DDX60L: variants seen among roughly 807,000 people sequenced by gnomAD.
DDX60L encodes DExD/H-box 60 like.
In DDX60L, 191 loss-of-function variants were observed where a neutral mutation model predicts 211.6. That is an observed-to-expected ratio of 0.90 (90% CI 0.80 to 1.02). The LOEUF (loss-of-function observed/expected upper bound fraction) is 1.02, where lower values mean the gene tolerates loss of function less well. DDX60L is among the 50% of genes least tolerant of loss of function. DDX60L has a pLI of 0.00. For missense variants in DDX60L, 2,007 were observed against 1,984.1 expected, an observed-to-expected ratio of 1.01 and a Z score of -0.22; for synonymous variants, 706 against 694.1, an observed-to-expected ratio of 1.02 and a Z score of -0.27.
At chr4:168,392,909 C>A (rs185075823) in intron 28 of DDX60L, among the ~76,000 whole-genome samples, 84 of 150,732 alleles carry the variant, frequency 5.6e-4, no homozygotes, top group African/African-American at 2.0e-3. Flanking sequence ...ACTTTTATAA[C>A]AATATGGCTA....
chr4:168,472,839 T>C, intron 1 of DDX60L, 30 bp from the exon 2 acceptor site: 1 of 882,266 alleles, frequency 1.1e-6, no homozygotes, highest in Non-Finnish European at 1.8e-6. Context: ...AGAACTGCAG[T>C]TATTCCTAAA....
At position 168,461,758 on chromosome 4, in the gene DDX60L, G is replaced by C. The variant is rs748648674; in HGVS notation, c.547C>G (p.Leu183Val). ...TCCATAGTATATGCATAAAATCTGAGAGTATCAGATTCATGCCCTGATGAA... is the reference window on the plus strand; with the variant it reads ...TCCATAGTATATGCATAAAATCTGACAGTATCAGATTCATGCCCTGATGAA... ...VLSSGHESDTLRFYAYTMEST... is the reference protein window; with the variant it reads ...VLSSGHESDTVRFYAYTMEST... The change falls in exon 5 of 38, where the codon CTC becomes GTC. Residue 183 changes from leucine to valine, a missense_variant. By Grantham distance (32) the Leu-to-Val change is conservative (BLOSUM62 1). Transcript: ENST00000682922. 6.2e-7 allele frequency: 1 copy of C among 1,602,292 alleles called. No individual in the cohort carries two copies. The highest frequency in any genetic ancestry group is 8.5e-7 in the Non-Finnish European group (1 of 1,172,986).
At chr4:168,365,667 T>C (rs899844432) in intron 36 of DDX60L, among the ~76,000 whole-genome samples, 8 of 152,078 alleles carry the variant, frequency 5.3e-5, no homozygotes, top group Non-Finnish European at 8.8e-5. Context: ...TTCCAAATTT[T>C]TTTTACAAGA....
chr4:168,415,166 T>C (rs1749326564), intron 22 of DDX60L, among the ~76,000 whole-genome samples: 1 of 151,986 alleles, frequency 6.6e-6, no homozygotes, highest in East Asian at 1.9e-4. Context: ...GTGGTTATTA[T>C]GCATTGCATG....
At chr4:168,387,681 A>G (rs1744138579) in intron 29 of DDX60L, among the ~76,000 whole-genome samples, 1 of 152,232 alleles carries the variant, frequency 6.6e-6, no homozygotes, top group African/African-American at 2.4e-5. Context: ...AAATCTGAGG[A>G]CACCACTGCA....
intron 24 of DDX60L, among the ~76,000 whole-genome samples, chr4:168,405,175 ATT>A (rs1417513372): frequency 6.6e-6 from 1 of 151,950 alleles, no homozygotes. Context: ...CATCTGGCTA[ATT>A]TTTGTATTTT....
At chr4:168,400,733 T>A in intron 26 of DDX60L, 93 bp downstream of exon 26, 1 of 1,139,958 alleles carries the variant, frequency 8.8e-7, no homozygotes, top group Non-Finnish European at 1.2e-6. Flanking sequence ...CAAGAACCTC[T>A]TTGTGGCTCA....
In DDX60L at chr4:168,453,751, C is replaced by T. The variant is rs573330582; in HGVS notation, c.838-469G>A. 4.6e-5 allele frequency among the ~76,000 whole-genome samples: 7 copies of T among 152,028 alleles called. No individual in the cohort carries two copies. The East Asian group carries it at 7.7e-4, about 17-fold the overall frequency. On this transcript the variant is annotated intron_variant, in intron 7 of 37. Transcript: ENST00000682922. ...GTGGCAGAGACTTCAGAACTATTTT[C>T]GAATATATAAAAGGTTGTCATATGG...
rs749160765 is a variant in DDX60L, at chr4:168,422,644, TTTC to T, written c.2121_2123del (p.Lys708del). ...GAGCTGGTCCAATGTCAATCGAATA[TTTC>T]TTCTTATTTTTGTCATCTCCTATCT... On this transcript the variant is annotated inframe_deletion, in exon 16 of 38. Transcript: ENST00000682922. The T allele has an allele frequency of 6.8e-6, 11 of 1,606,068 alleles. No homozygotes were observed. In the South Asian group the frequency reaches 7.8e-5, roughly 11 times the overall value.
rs1197080697 is a variant in DDX60L at position 168,443,050 on chromosome 4, A to G, written c.1139-1558T>C. On this transcript the variant is annotated intron_variant, in intron 9 of 37. Coordinates refer to ENST00000682922, the MANE Select transcript of DDX60L (RefSeq NM_001012967.3). The stretch of plus-strand genomic sequence containing the variant: ...GAGAATGACTTTGATGAGCTGAGAG[A>G]AGAAGGCTTCAGACGATCAAATTAC... Among the ~76,000 whole-genome samples, 3 of 152,214 alleles carry G rather than the reference A, an allele frequency of 2.0e-5. No homozygotes were observed. In the East Asian group the frequency reaches 5.8e-4, roughly 29 times the overall value.
At chr4:168,426,751 T>C (rs963480371) in intron 14 of DDX60L, among the ~76,000 whole-genome samples, 3 of 152,206 alleles carry the variant, frequency 2.0e-5, no homozygotes, top group African/African-American at 4.8e-5. Flanking sequence ...ATAGGCCCTG[T>C]TGCTGCTGCT....
chr4:168,471,533 A>G lies in DDX60L; in HGVS notation c.264+214T>C, dbSNP rs1285778873. 7.6e-6 allele frequency: 3 copies of G among 394,904 alleles called. No homozygotes were observed. The East Asian group carries it at 1.3e-4, about 17-fold the overall frequency. 24.5% of individuals were successfully genotyped at this position (394,904 alleles called of 1,614,324 possible). ...GCCTGATCTATATTGTGAATGTGGG[A>G]ACATAGAGTTGAGGGAAAAAAATTT... is the stretch of plus-strand genomic sequence containing the variant. On this transcript the variant is annotated intron_variant, in intron 4 of 37. Transcript: ENST00000682922.
In DDX60L at chr4:168,416,769, G is replaced by C; in HGVS notation, c.2639C>G (p.Ala880Gly). The change falls in exon 20 of 38, where the codon GCA becomes GGA. Residue 880 changes from alanine (A) to glycine (G), a missense_variant. By Grantham distance (60) the Ala-to-Gly change is moderately conservative. Transcript: ENST00000682922. Reference protein sequence around the residue: ...EVHYLGREVGAKFWELLLVII... With the variant: ...EVHYLGREVGGKFWELLLVII... ...GACAAGGAGGAGCTCCCAAAATTTT[G>C]CTCCAACTTCTCTGCCAAGATAATG... is the stretch of plus-strand genomic sequence containing the variant. 6.3e-7 allele frequency: 1 copy of C among 1,597,150 alleles called. No homozygotes were observed. Among genetic ancestry groups the C allele is most frequent in the South Asian group, 1.1e-5 (1 of 88,006 alleles).
intron 14 of DDX60L, among the ~76,000 whole-genome samples, chr4:168,426,100 G>A (rs748411693): frequency 5.9e-5 from 9 of 152,122 alleles, no homozygotes; most frequent in Non-Finnish European, 8.8e-5. Flanking sequence ...GTTGTGTACC[G>A]TTACCTAGGA....
intron 29 of DDX60L, chr4:168,390,335 C>A (rs1220467800): frequency 6.0e-6 from 7 of 1,161,658 alleles, no homozygotes; most frequent in Non-Finnish European, 7.4e-6. Flanking sequence ...CTGAAAAATT[C>A]CAGCTCAGGG....
chr4:168,449,816 A>T (rs950041245), intron 8 of DDX60L, among the ~76,000 whole-genome samples: 1 of 144,974 alleles, frequency 6.9e-6, no homozygotes. Flanking sequence ...AAAAAAAAAA[A>T]AAAAAAAGAG....
chr4:168,434,188 T>A (rs531844609), intron 10 of DDX60L, among the ~76,000 whole-genome samples: 2 of 152,250 alleles, frequency 1.3e-5, no homozygotes, highest in Non-Finnish European at 2.9e-5. Context: ...GAGACTCATT[T>A]CTGCATCCTA....
At chr4:168,457,775 T>C (rs539012713) in intron 6 of DDX60L, 117 bp downstream of exon 6, 108 of 537,786 alleles carry the variant, frequency 2.0e-4, no homozygotes, top group Admixed American at 1.2e-3. Context: ...AGTATACATG[T>C]ACTAAGGAGG....
intron 5 of DDX60L, among the ~76,000 whole-genome samples, chr4:168,458,454 C>A (rs1423301549): frequency 2.6e-5 from 4 of 152,100 alleles, no homozygotes; most frequent in Non-Finnish European, 5.9e-5. Flanking sequence ...ACATATATTC[C>A]ATGGAATACT....
Sources: gnomAD v4.1 joint callset for allele counts (sites outside exome capture counted in the v4.1 genomes callset) on GRCh38, gnomAD v4.1.1 for gene constraint, MANE v1.5 for transcripts, NCBI Gene and HGNC (gene_info 2026-07-23, HGNC 2026-07-21) for gene names.